The following VPS13B variants were observed in gnomAD, a reference collection of about 807,000 sequenced individuals.
VPS13B encodes vacuolar protein sorting 13 homolog B.
A neutral mutation model predicts 426.4 loss-of-function variants in VPS13B; 285 were observed. The observed-to-expected ratio is 0.67, with a 90% CI of 0.61 to 0.74. VPS13B has a LOEUF of 0.74. VPS13B is among the 30% of genes least tolerant of loss of function. The pLI, the probability that VPS13B is intolerant of heterozygous loss-of-function variation, is 0.00. For missense variants in VPS13B, 4,537 were observed against 4,782.6 expected (o/e 0.95, Z 1.51); for synonymous variants, 1,676 against 1,676.4 (o/e 1.00, Z 0.01).
chr8:99,834,473 GA>G (rs983754770), intron 52 of VPS13B, among the ~76,000 whole-genome samples: 1 of 151,310 alleles, frequency 6.6e-6, no homozygotes, highest in East Asian at 1.9e-4. Context: ...CCTACCTCTA[GA>G]AAAAAAAGAG....
intron 2 of VPS13B, among the ~76,000 whole-genome samples, chr8:99,033,837 A>C (rs1482191758): frequency 6.6e-6 from 1 of 152,118 alleles, no homozygotes. Flanking sequence ...CAGAGGTTGC[A>C]GTGAGCCAAG....
intron 2 of VPS13B, among the ~76,000 whole-genome samples, chr8:99,024,227 A>G (rs1220412863): frequency 6.6e-6 from 1 of 152,196 alleles, no homozygotes; most frequent in Non-Finnish European, 1.5e-5. Flanking sequence ...ACTCAGAGCA[A>G]TTGCCTATTT....
At chr8:99,708,829 GTCTCTC>G (rs147100515) in intron 36 of VPS13B, among the ~76,000 whole-genome samples, 1 of 149,566 alleles carries the variant, frequency 6.7e-6, no homozygotes, top group Non-Finnish European at 1.5e-5. Context: ...CTCTCTCTCT[GTCTCTC>G]TCTCTCTCTC....
chr8:99,692,774 T>C (rs1831742222), intron 35 of VPS13B, among the ~76,000 whole-genome samples: 1 of 146,412 alleles, frequency 6.8e-6, no homozygotes, highest in Non-Finnish European at 1.5e-5. Context: ...TTTGAAAGGA[T>C]CAACAAAATT....
At chr8:99,731,997 G>T (rs1833624883) in intron 39 of VPS13B, among the ~76,000 whole-genome samples, 1 of 152,140 alleles carries the variant, frequency 6.6e-6, no homozygotes, top group Admixed American at 6.5e-5. Flanking sequence ...TCCCTGAGCA[G>T]TGCATGAATT....
intron 39 of VPS13B, among the ~76,000 whole-genome samples, chr8:99,748,749 G>T (rs1810246412): frequency 6.6e-6 from 1 of 151,892 alleles, no homozygotes; most frequent in African/African-American, 2.4e-5. Context: ...GACTGTGTTT[G>T]CAAACTATAT....
chr8:99,668,540 T>G (rs1040419946), intron 35 of VPS13B, among the ~76,000 whole-genome samples: 1 of 152,166 alleles, frequency 6.6e-6, no homozygotes, highest in African/African-American at 2.4e-5. Context: ...TTAGCATTTG[T>G]TTTTAGAAAA....
chr8:99,620,986 CAAAAAAAAAAAAA>C (rs397892235), intron 33 of VPS13B, among the ~76,000 whole-genome samples: 4 of 50,858 alleles, frequency 7.9e-5, no homozygotes, highest in African/African-American at 3.2e-4. Context: ...AACTCCATCT[CAAAAAAAAAAAAA>C]AAAAAAAAAA....
intron 12 of VPS13B, among the ~76,000 whole-genome samples, chr8:99,142,359 A>G (rs888561045): frequency 6.6e-6 from 1 of 152,252 alleles, no homozygotes; most frequent in Non-Finnish European, 1.5e-5. Flanking sequence ...AGATGTACAT[A>G]TTAGATAATG....
At chr8:99,591,106 C>G (rs546939782) in intron 33 of VPS13B, among the ~76,000 whole-genome samples, 62 of 146,178 alleles carry the variant, frequency 4.2e-4, no homozygotes, top group African/African-American at 1.5e-3. Context: ...TTCTTTGTCT[C>G]TTTTGATCTT....
At chr8:99,445,591 A>G (rs1052411044) in intron 23 of VPS13B, among the ~76,000 whole-genome samples, 2 of 151,256 alleles carry the variant, frequency 1.3e-5, no homozygotes, top group African/African-American at 4.8e-5. Context: ...TTCCTGTGCT[A>G]TGTTGGAAAT....
intron 16 of VPS13B, among the ~76,000 whole-genome samples, chr8:99,188,524 G>T (rs999438601): frequency 6.6e-6 from 1 of 152,104 alleles, no homozygotes. Context: ...GAATAGTGCC[G>T]CAATGAACAT....
chr8:99,402,415 G>A (rs1388705954), intron 21 of VPS13B, among the ~76,000 whole-genome samples: 1 of 152,148 alleles, frequency 6.6e-6, no homozygotes, highest in Non-Finnish European at 1.5e-5. Flanking sequence ...GCATTACAGT[G>A]TACTGTTTCT....
chr8:99,511,258 CT>C lies in VPS13B; in HGVS notation c.4380del (p.Pro1461LeufsTer49). The C allele has an allele frequency of 6.2e-7, 1 of 1,614,076 alleles. No individual in the cohort carries two copies. The highest frequency in any genetic ancestry group is 8.5e-7 in the Non-Finnish European group (1 of 1,179,996). On this transcript the variant is annotated frameshift_variant, in exon 29 of 62. Transcript: ENST00000357162. LOFTEE classifies it high-confidence loss of function. ...TTATCTGAAGGCCTAATGGATGGTTCTCCTCATTTTCTTCATGAAATTCTTC... is the reference window on the plus strand; with the variant it reads ...TTATCTGAAGGCCTAATGGATGGTTCCCTCATTTTCTTCATGAAATTCTTC... ...HKLSEGLMDG[S>X]PHFLHEILLS...
chr8:99,447,478 A>C (rs1223137805), intron 23 of VPS13B, among the ~76,000 whole-genome samples: 1 of 152,154 alleles, frequency 6.6e-6, no homozygotes, highest in East Asian at 1.9e-4. Flanking sequence ...CTGCACTGTG[A>C]GTTAGCTTCA....
At chr8:99,232,742 G>A (rs1349018244) in intron 17 of VPS13B, among the ~76,000 whole-genome samples, 1 of 152,144 alleles carries the variant, frequency 6.6e-6, no homozygotes, top group Non-Finnish European at 1.5e-5. Context: ...CAACCAAAAG[G>A]TACAGCATTG....
Position 99,717,227 on chromosome 8 carries a change from A to G in VPS13B, c.6511A>G (p.Ser2171Gly). ...TATAAACGATTTTCTCCTTAAAACAAGTCTCAAAGAAAGAAGCCGCATTCT... is the reference window on the plus strand; with the variant it reads ...TATAAACGATTTTCTCCTTAAAACAGGTCTCAAAGAAAGAAGCCGCATTCT... ...LSINDFLLKT[S>G]LKERSRILIG... Residue 2171 changes from serine to glycine, a missense_variant, in exon 37 of 62, where the codon AGT becomes GGT. Coordinates refer to ENST00000357162, the MANE Select transcript of VPS13B (RefSeq NM_152564.5). 2 of 1,614,014 alleles carry G rather than the reference A, an allele frequency of 1.2e-6. No homozygotes were observed. The highest frequency in any genetic ancestry group is 1.7e-6 in the Non-Finnish European group (2 of 1,179,960).
At chr8:99,563,858 T>C (rs1347866691) in intron 31 of VPS13B, among the ~76,000 whole-genome samples, 1 of 152,168 alleles carries the variant, frequency 6.6e-6, no homozygotes, top group East Asian at 1.9e-4. Context: ...AAACAGAAAA[T>C]TTTAGATCTG....
At chr8:99,218,806 G>A (rs1815525324) in intron 17 of VPS13B, among the ~76,000 whole-genome samples, 1 of 152,180 alleles carries the variant, frequency 6.6e-6, no homozygotes, top group African/African-American at 2.4e-5. Context: ...CATGCAATGT[G>A]GCCTTTCTTG....
Sources: gnomAD v4.1 joint callset for allele counts (sites outside exome capture counted in the v4.1 genomes callset) on GRCh38, gnomAD v4.1.1 for gene constraint, MANE v1.5 for transcripts, NCBI Gene and HGNC (gene_info 2026-07-23, HGNC 2026-07-21) for gene names.